Variants in ARB2A observed in about 807,000 individuals in gnomAD.
ARB2A encodes ARB2 cotranscriptional regulator A.
At chr5:93,902,143 A>G in the ARB2A span, among the ~76,000 whole-genome samples, 1 of 152,092 alleles carries the variant, frequency 6.6e-6, no homozygotes, top group Non-Finnish European at 1.5e-5. Flanking sequence ...GTTCAATAAA[A>G]TGTTACTTTG....
the ARB2A span, among the ~76,000 whole-genome samples, chr5:93,725,912 C>T: frequency 1.3e-5 from 2 of 151,990 alleles, no homozygotes; most frequent in African/African-American, 4.8e-5. Flanking sequence ...GATAAGGGGG[C>T]TCATGTCAGA....
At chr5:94,057,584 G>C in the ARB2A span, among the ~76,000 whole-genome samples, 1 of 152,132 alleles carries the variant, frequency 6.6e-6, no homozygotes, top group Non-Finnish European at 1.5e-5. Flanking sequence ...GTACCATTTG[G>C]CATCTTTATT....
chr5:94,035,694 G>A, the ARB2A span, among the ~76,000 whole-genome samples: 65 of 152,154 alleles, frequency 4.3e-4, no homozygotes, highest in Admixed American at 1.9e-3. Flanking sequence ...GAATGAGTTC[G>A]TGTCCTTTGC....
At chr5:94,097,146 T>A in the ARB2A span, among the ~76,000 whole-genome samples, 28 of 152,288 alleles carry the variant, frequency 1.8e-4, no homozygotes, top group Middle Eastern at 0.01. Context: ...GGCTTTAGCA[T>A]ATACTGACTG....
At chr5:94,030,416 A>C in the ARB2A span, among the ~76,000 whole-genome samples, 1 of 152,214 alleles carries the variant, frequency 6.6e-6, no homozygotes, top group African/African-American at 2.4e-5. Context: ...ATTTCCTTGC[A>C]GAGTCATCTG....
At chr5:93,830,311 G>GTGTGTGTGTATATATATA in the ARB2A span, among the ~76,000 whole-genome samples, 4 of 82,268 alleles carry the variant, frequency 4.9e-5, no homozygotes, top group African/African-American at 2.1e-4. Context: ...GTGTGTGTGT[G>GTGTGTGTGTATATATATA]TATATATATA....
At chr5:94,074,137 C>A in the ARB2A span, among the ~76,000 whole-genome samples, 1 of 152,088 alleles carries the variant, frequency 6.6e-6, no homozygotes, top group Non-Finnish European at 1.5e-5. Flanking sequence ...CACTTCTTTT[C>A]GAAGTCAAAT....
chr5:93,870,665 T>C, the ARB2A span, among the ~76,000 whole-genome samples: 1 of 152,218 alleles, frequency 6.6e-6, no homozygotes, highest in Non-Finnish European at 1.5e-5. Flanking sequence ...TGCCTGTGAC[T>C]TAGCACCTAC....
the ARB2A span, among the ~76,000 whole-genome samples, chr5:93,921,156 T>C: frequency 8.7e-6 from 1 of 114,438 alleles, no homozygotes; most frequent in East Asian, 2.3e-4. Context: ...AAAGACCATG[T>C]TAAAAAAAAA....
At chr5:93,827,917 C>G in the ARB2A span, among the ~76,000 whole-genome samples, 15 of 152,084 alleles carry the variant, frequency 9.9e-5, no homozygotes, top group Middle Eastern at 3.2e-3. Flanking sequence ...AGGCATGCGG[C>G]GTTATTTCTG....
At chr5:93,972,540 G>C in the ARB2A span, among the ~76,000 whole-genome samples, 151,245 of 152,170 alleles carry the variant, frequency 0.99, 75,168 homozygotes, top group Middle Eastern at 1. Context: ...TCTGGCAATA[G>C]AAAAAGCCAG....
At chr5:93,884,224 T>C in the ARB2A span, among the ~76,000 whole-genome samples, 1 of 151,626 alleles carries the variant, frequency 6.6e-6, no homozygotes, top group Non-Finnish European at 1.5e-5. Flanking sequence ...GACTATTATC[T>C]TATTACTTAA....
At chr5:94,054,843 C>G in the ARB2A span, among the ~76,000 whole-genome samples, 1 of 152,166 alleles carries the variant, frequency 6.6e-6, no homozygotes, top group Admixed American at 6.5e-5. Context: ...TTATTGTATA[C>G]TTTAGGTTAT....
At chr5:93,999,694 T>C in the ARB2A span, among the ~76,000 whole-genome samples, 4 of 151,970 alleles carry the variant, frequency 2.6e-5, no homozygotes, top group African/African-American at 9.7e-5. Flanking sequence ...CCAAAGCCCA[T>C]AGTTACCTTA....
chr5:93,719,873 C>T, the ARB2A span, among the ~76,000 whole-genome samples: 2 of 152,140 alleles, frequency 1.3e-5, no homozygotes, highest in Non-Finnish European at 2.9e-5. Context: ...TTCAGCACTC[C>T]GAAAATTTGT....
chr5:93,930,662 T>C, the ARB2A span, among the ~76,000 whole-genome samples: 29 of 152,156 alleles, frequency 1.9e-4, no homozygotes, highest in Non-Finnish European at 2.8e-4. Flanking sequence ...AGCCTTTCAA[T>C]TGAAGCACAA....
chr5:93,793,619 A>G, the ARB2A span, among the ~76,000 whole-genome samples: 1 of 152,150 alleles, frequency 6.6e-6, no homozygotes. Flanking sequence ...ATTTACAGAA[A>G]TGGATCAGGG....
At chr5:93,638,441 A>G in the ARB2A span, among the ~76,000 whole-genome samples, 4 of 152,170 alleles carry the variant, frequency 2.6e-5, no homozygotes, top group African/African-American at 9.7e-5. Context: ...TATGTCTTTT[A>G]GCTTTTTTCT....
At chr5:93,854,470 A>C in the ARB2A span, among the ~76,000 whole-genome samples, 1 of 151,850 alleles carries the variant, frequency 6.6e-6, no homozygotes, top group African/African-American at 2.4e-5. Context: ...TTCTGCTCTG[A>C]TTTTAGTTAT....
Sources: gnomAD v4.1 joint callset for allele counts (sites outside exome capture counted in the v4.1 genomes callset) on GRCh38, gnomAD v4.1.1 for gene constraint, MANE v1.5 for transcripts, NCBI Gene and HGNC (gene_info 2026-07-23, HGNC 2026-07-21) for gene names.